Variants in KCNT2 observed in about 807,000 individuals in gnomAD.
KCNT2 encodes the protein potassium sodium-activated channel subfamily T member 2, also known as potassium channel subfamily T member 2.
A neutral mutation model predicts 153.8 loss-of-function variants in KCNT2; 67 were observed. That is an observed-to-expected ratio of 0.44 (90% confidence interval 0.36 to 0.53). The LOEUF is 0.53. Among genes scored for constraint, KCNT2 ranks in the 20% least tolerant of loss-of-function variants. KCNT2 has a pLI of 0.00. For synonymous variants in KCNT2, 500 were observed against 458.8 expected (o/e 1.09, Z -1.15); for missense variants, 975 against 1,354.8 (o/e 0.72, Z 4.40).
At chr1:196,270,860 T>C (rs1658001002) in intron 25 of KCNT2, among the ~76,000 whole-genome samples, 1 of 151,776 alleles carries the variant, frequency 6.6e-6, no homozygotes. Context: ...TGCATGTATG[T>C]GTAAAACCTA....
At chr1:196,461,032 G>GA (rs1390767200) in intron 8 of KCNT2, among the ~76,000 whole-genome samples, 11 of 150,770 alleles carry the variant, frequency 7.3e-5, no homozygotes, top group Admixed American at 1.3e-4. Context: ...AAACTAATGT[G>GA]AAAAAAAACA....
intron 1 of KCNT2, among the ~76,000 whole-genome samples, chr1:196,501,497 A>C (rs2148765509): frequency 6.6e-6 from 1 of 152,330 alleles, no homozygotes; most frequent in South Asian, 2.1e-4. Context: ...AGAAACAGAA[A>C]GTCATATATT....
chr1:196,453,750 C>G (rs147619051), intron 8 of KCNT2, among the ~76,000 whole-genome samples: 1 of 152,068 alleles, frequency 6.6e-6, no homozygotes, highest in African/African-American at 2.4e-5. Flanking sequence ...ATTTACCTCC[C>G]TATCTTTCCC....
At chr1:196,456,664 G>T (rs1355554841) in intron 8 of KCNT2, among the ~76,000 whole-genome samples, 1 of 151,874 alleles carries the variant, frequency 6.6e-6, no homozygotes, top group South Asian at 2.1e-4. Context: ...ATTATCTGAA[G>T]TCCATTTTGA....
intron 14 of KCNT2, among the ~76,000 whole-genome samples, chr1:196,365,376 C>T (rs1172921837): frequency 6.6e-6 from 1 of 152,024 alleles, no homozygotes; most frequent in Non-Finnish European, 1.5e-5. Flanking sequence ...TTTATACTTC[C>T]TGTAACTCAT....
At chr1:196,290,536 A>G (rs1660089075) in intron 22 of KCNT2, among the ~76,000 whole-genome samples, 1 of 151,806 alleles carries the variant, frequency 6.6e-6, no homozygotes, top group African/African-American at 2.4e-5. Context: ...ATATACATAT[A>G]TATGTGTGTG....
intron 8 of KCNT2, among the ~76,000 whole-genome samples, chr1:196,451,010 C>T (rs1387994544): frequency 1.3e-5 from 2 of 151,602 alleles, no homozygotes; most frequent in Non-Finnish European, 2.9e-5. Context: ...CCTCCATCCT[C>T]GCCACAGATT....
At chr1:196,308,336 C>A (rs920132378) in intron 21 of KCNT2, among the ~76,000 whole-genome samples, 5 of 151,954 alleles carry the variant, frequency 3.3e-5, no homozygotes, top group Admixed American at 2.0e-4. Flanking sequence ...CTGTCTCAAC[C>A]CTGACTCTAT....
At chr1:196,388,339 C>T (rs766701075) in intron 13 of KCNT2, among the ~76,000 whole-genome samples, 8 of 151,606 alleles carry the variant, frequency 5.3e-5, no homozygotes, top group Admixed American at 6.6e-5. Context: ...AGAGGTACTA[C>T]GGATATTCTG....
intron 13 of KCNT2, among the ~76,000 whole-genome samples, chr1:196,392,428 A>T (rs1372950627): frequency 6.6e-6 from 1 of 151,468 alleles, no homozygotes; most frequent in Non-Finnish European, 1.5e-5. Flanking sequence ...TGAAAATATA[A>T]CAACTCTAAG....
chr1:196,292,821 A>G (rs1292730657), intron 22 of KCNT2, among the ~76,000 whole-genome samples: 1 of 151,062 alleles, frequency 6.6e-6, no homozygotes, highest in Non-Finnish European at 1.5e-5. Flanking sequence ...CAAAAAAAAA[A>G]AAAAAAAAAA....
intron 25 of KCNT2, among the ~76,000 whole-genome samples, chr1:196,265,301 C>A (rs2147806585): frequency 6.6e-6 from 1 of 152,288 alleles, no homozygotes; most frequent in South Asian, 2.1e-4. Flanking sequence ...CACTGGCAAG[C>A]ATACTTTAAC....
At chr1:196,512,640 T>C (rs2148801810) in intron 1 of KCNT2, among the ~76,000 whole-genome samples, 1 of 152,280 alleles carries the variant, frequency 6.6e-6, no homozygotes, top group East Asian at 1.9e-4. Context: ...AAAAAAATGC[T>C]TGCAATGAAC....
intron 1 of KCNT2, among the ~76,000 whole-genome samples, chr1:196,585,043 G>A (rs1207245139): frequency 6.6e-6 from 1 of 152,062 alleles, no homozygotes; most frequent in Non-Finnish European, 1.5e-5. Context: ...TTATCATTCA[G>A]TATTTGCCAA....
chr1:196,339,595 A>G (rs1665412161), intron 16 of KCNT2, among the ~76,000 whole-genome samples: 1 of 151,904 alleles, frequency 6.6e-6, no homozygotes, highest in Admixed American at 6.6e-5. Context: ...GATTCTGAAT[A>G]GAAAATGAAG....
chr1:196,270,347 G>A (rs967086144), intron 25 of KCNT2, among the ~76,000 whole-genome samples: 4 of 151,894 alleles, frequency 2.6e-5, no homozygotes, highest in East Asian at 1.9e-4. Flanking sequence ...TAACCAAAAG[G>A]TTCATTTTAT....
chr1:196,442,710 ACT>A (rs922598436), intron 8 of KCNT2, among the ~76,000 whole-genome samples: 1 of 151,680 alleles, frequency 6.6e-6, no homozygotes, highest in African/African-American at 2.4e-5. Flanking sequence ...CAACAACAGG[ACT>A]CTGAAGCAGA....
chr1:196,292,558 G>A (rs947440744), intron 22 of KCNT2, among the ~76,000 whole-genome samples: 4 of 152,290 alleles, frequency 2.6e-5, no homozygotes, highest in Admixed American at 2.6e-4. Context: ...TGTAATCCCA[G>A]CACTTTGGGA....
At chr1:196,243,968 A>G (rs973092058) in intron 26 of KCNT2, among the ~76,000 whole-genome samples, 1 of 151,894 alleles carries the variant, frequency 6.6e-6, no homozygotes, top group Non-Finnish European at 1.5e-5. Flanking sequence ...GAAAGAGTAA[A>G]AAGGACTTTG....
Sources: gnomAD v4.1 joint callset for allele counts (sites outside exome capture counted in the v4.1 genomes callset) on GRCh38, gnomAD v4.1.1 for gene constraint, MANE v1.5 for transcripts, NCBI Gene and HGNC (gene_info 2026-07-23, HGNC 2026-07-21) for gene names.